PRKN: variants seen among roughly 807,000 people sequenced by gnomAD.
PRKN encodes the protein parkin RBR E3 ubiquitin protein ligase, also known as E3 ubiquitin-protein ligase parkin.
A neutral mutation model predicts 59.5 loss-of-function variants in PRKN; 56 were observed. The ratio of observed to expected loss-of-function variants is 0.94; its 90% CI spans 0.76 to 1.18. The LOEUF is 1.18. Among genes scored for constraint, PRKN ranks in the 50% most tolerant of loss-of-function variants. The probability of loss-of-function intolerance (pLI) is 0.00; values close to 1 mark genes in which losing one functional copy is unlikely to be tolerated. For missense variants in PRKN, 657 were observed against 596.4 expected (o/e 1.10, Z -1.06); for synonymous variants, 250 against 222.1 (o/e 1.13, Z -1.12).
At chr6:162,724,756 T>A (rs566220737) in intron 1 of PRKN, among the ~76,000 whole-genome samples, 1 of 152,296 alleles carries the variant, frequency 6.6e-6, no homozygotes, top group South Asian at 2.1e-4. Flanking sequence ...AAACAAATTT[T>A]CCTTTGTTTT....
intron 5 of PRKN, among the ~76,000 whole-genome samples, chr6:162,035,753 C>T (rs1289647362): frequency 6.6e-6 from 1 of 152,052 alleles, no homozygotes; most frequent in Non-Finnish European, 1.5e-5. Flanking sequence ...AGATAAGACC[C>T]TCAAGGTTAA....
At chr6:161,889,283 C>T (rs1049804456) in intron 6 of PRKN, among the ~76,000 whole-genome samples, 1 of 152,022 alleles carries the variant, frequency 6.6e-6, no homozygotes, top group Non-Finnish European at 1.5e-5. Context: ...AAATGGAGAC[C>T]GATGATCACA....
intron 4 of PRKN, among the ~76,000 whole-genome samples, chr6:162,183,922 C>G (rs374854273): frequency 6.6e-6 from 1 of 152,188 alleles, no homozygotes; most frequent in East Asian, 1.9e-4. Context: ...CAGGGAGAAT[C>G]CCCTGAACTA....
intron 4 of PRKN, among the ~76,000 whole-genome samples, chr6:162,147,548 G>GT (rs1206378973): frequency 7.9e-5 from 12 of 152,114 alleles, no homozygotes; most frequent in Admixed American, 7.9e-4. Flanking sequence ...ATCCAGCCTA[G>GT]TGAGTTCTTC....
In PRKN at chr6:162,093,491, C is replaced by A. The variant is rs903028090; in HGVS notation, c.535-39317G>T. 3.9e-5 allele frequency among the ~76,000 whole-genome samples: 6 copies of A among 152,164 alleles called. No homozygotes were observed. The East Asian group carries it at 1.2e-3, about 29-fold the overall frequency. ...TCTTTAACACCTTGCCAGTAAAATT[C>A]TCCCGCACTAACCTGTCTGCCCCTC... is the stretch of plus-strand genomic sequence containing the variant. On this transcript the variant is annotated intron_variant, in intron 4 of 11. Coordinates refer to ENST00000366898, the MANE Select transcript of PRKN (RefSeq NM_004562.3).
chr6:162,512,466 C>T (rs970055561), intron 1 of PRKN, among the ~76,000 whole-genome samples: 1 of 152,164 alleles, frequency 6.6e-6, no homozygotes, highest in African/African-American at 2.4e-5. Context: ...ACTGAAATAA[C>T]AACAAGGGAG....
chr6:161,431,160 T>C (rs1788632003), intron 9 of PRKN, among the ~76,000 whole-genome samples: 1 of 149,692 alleles, frequency 6.7e-6, no homozygotes, highest in South Asian at 2.1e-4. Context: ...AAAGAAATAT[T>C]GACTGCTAAA....
chr6:162,442,119 C>T (rs1002506609), intron 2 of PRKN, among the ~76,000 whole-genome samples: 7 of 152,280 alleles, frequency 4.6e-5, no homozygotes, highest in African/African-American at 1.7e-4. Flanking sequence ...GCCTCAACAC[C>T]ATCAGCAGGA....
intron 6 of PRKN, among the ~76,000 whole-genome samples, chr6:161,811,555 C>T (rs539302597): frequency 1.3e-5 from 2 of 152,236 alleles, no homozygotes; most frequent in South Asian, 4.2e-4. Flanking sequence ...AACCATTGTC[C>T]CTTACATCAC....
chr6:162,700,628 G>C (rs1166982680), intron 1 of PRKN, among the ~76,000 whole-genome samples: 1 of 151,944 alleles, frequency 6.6e-6, no homozygotes, highest in Admixed American at 6.6e-5. Flanking sequence ...CCAATAATAG[G>C]TATTAAGTGT....
intron 7 of PRKN, among the ~76,000 whole-genome samples, chr6:161,619,074 G>C (rs552239219): frequency 1.3e-5 from 2 of 152,138 alleles, no homozygotes; most frequent in Admixed American, 1.3e-4. Context: ...AGCCTGAAGT[G>C]GTTCTGAATC....
rs529437049 is a variant in PRKN, at chr6:161,556,844, C to G, written c.934-7841G>C. ...TGAGCTCAAAAGTGGAAAAATCACT[C>G]ATGCATGTTTTGTCTATGGAATGCA... is the stretch of plus-strand genomic sequence containing the variant. On this transcript the variant is annotated intron_variant, in intron 8 of 11. Transcript: ENST00000366898. Among the ~76,000 whole-genome samples the G allele has an allele frequency of 1.5e-3, 234 of 152,232 alleles. 2 individuals carry two copies. Among genetic ancestry groups the G allele is most frequent in the African/African-American group, 5.5e-3 (227 of 41,560 alleles).
chr6:161,622,743 T>C (rs866271572), intron 7 of PRKN, among the ~76,000 whole-genome samples: 10 of 152,334 alleles, frequency 6.6e-5, no homozygotes, highest in African/African-American at 2.2e-4. Context: ...TGAGAAAGAA[T>C]TGGAGAAACA....
chr6:162,281,263 T>G (rs1430382694), intron 2 of PRKN, among the ~76,000 whole-genome samples: 2 of 151,526 alleles, frequency 1.3e-5, no homozygotes, highest in Non-Finnish European at 2.9e-5. Flanking sequence ...CTGGGGCCTG[T>G]CAGGGGGTGG....
chr6:162,464,859 G>T (rs548195735), intron 1 of PRKN, among the ~76,000 whole-genome samples: 1 of 150,658 alleles, frequency 6.6e-6, no homozygotes, highest in East Asian at 2.0e-4. Context: ...AAAAGAAAAA[G>T]AAAGAAATTT....
At chr6:162,635,886 A>G (rs1777691605) in intron 1 of PRKN, among the ~76,000 whole-genome samples, 1 of 152,102 alleles carries the variant, frequency 6.6e-6, no homozygotes, top group African/African-American at 2.4e-5. Context: ...CACTGCTCTC[A>G]ACCATAATGG....
intron 1 of PRKN, among the ~76,000 whole-genome samples, chr6:162,508,029 C>T (rs1446748055): frequency 1.3e-5 from 2 of 152,148 alleles, no homozygotes; most frequent in African/African-American, 2.4e-5. Flanking sequence ...AAGATATACC[C>T]AAGACTGGGC....
chr6:161,597,844 A>ACG (rs1378910070), intron 7 of PRKN, among the ~76,000 whole-genome samples: 3 of 151,876 alleles, frequency 2.0e-5, no homozygotes, highest in Non-Finnish European at 2.9e-5. Flanking sequence ...GCGCACACAC[A>ACG]CACACACACA....
chr6:162,555,485 T>C (rs968750438), intron 1 of PRKN, among the ~76,000 whole-genome samples: 3 of 152,196 alleles, frequency 2.0e-5, no homozygotes, highest in African/African-American at 7.2e-5. Context: ...AGAAGCTTTC[T>C]TTTCTATTGC....
Sources: gnomAD v4.1 joint callset for allele counts (sites outside exome capture counted in the v4.1 genomes callset) on GRCh38, gnomAD v4.1.1 for gene constraint, MANE v1.5 for transcripts, NCBI Gene and HGNC (gene_info 2026-07-23, HGNC 2026-07-21) for gene names.